Variants in AHCY observed in about 807,000 individuals in gnomAD.
AHCY encodes S-adenosyl-L-homocysteine hydrolase.
AHCY carries 24 observed loss-of-function variants against 45.4 expected under a neutral mutation model. The ratio of observed to expected loss-of-function variants is 0.53; its 90% CI spans 0.38 to 0.74. AHCY has a LOEUF of 0.74. Ranked by LOEUF, AHCY falls within the 30% of genes least tolerant of loss-of-function variation. The pLI is 0.00. For synonymous variants in AHCY, 245 were observed against 235.1 expected (o/e 1.04, Z -0.39); for missense variants, 449 against 594.1 (o/e 0.76, Z 2.54).
chr20:34,262,720 T>C, the AHCY span: 1 of 1,198,442 alleles, frequency 8.3e-7, no homozygotes, highest in South Asian at 1.2e-5. Flanking sequence ...AGCACGCTTC[T>C]TCTCCTCTCC....
the AHCY span, among the ~76,000 whole-genome samples, chr20:34,252,103 A>T: frequency 6.6e-6 from 1 of 152,220 alleles, no homozygotes; most frequent in Non-Finnish European, 1.5e-5. Context: ...ATATAGTCCT[A>T]TCCTCTTATG....
At chr20:34,304,548 C>T (rs757989722), upstream of AHCY, among the ~76,000 whole-genome samples, 12 of 143,928 alleles carry the variant, frequency 8.3e-5, no homozygotes, top group Non-Finnish European at 1.5e-4. Flanking sequence ...TTTATGGAGT[C>T]TCACTCTGTC....
the AHCY span, among the ~76,000 whole-genome samples, chr20:34,239,293 C>T: frequency 6.6e-6 from 1 of 151,768 alleles, no homozygotes; most frequent in Non-Finnish European, 1.5e-5. Context: ...CTTGGCTCAC[C>T]GCAACCTCTG....
At chr20:34,286,198 G>A (rs1477081811) in intron 8 of AHCY, 4 of 174,494 alleles carry the variant, frequency 2.3e-5, no homozygotes, top group African/African-American at 7.2e-5. Flanking sequence ...CTTGCTTGGC[G>A]CATATGAGGC....
At chr20:34,263,304 C>T in the AHCY span, among the ~76,000 whole-genome samples, 1 of 152,224 alleles carries the variant, frequency 6.6e-6, no homozygotes, top group African/African-American at 2.4e-5. Flanking sequence ...GTGGCTCACG[C>T]CTATAATCCC....
the AHCY span, among the ~76,000 whole-genome samples, chr20:34,250,809 T>G: frequency 6.6e-6 from 1 of 152,152 alleles, no homozygotes; most frequent in African/African-American, 2.4e-5. Flanking sequence ...GCCACATGAC[T>G]GGGAGACTGT....
At chr20:34,303,066 C>A (rs2036836681) in intron 1 of AHCY, 177 bp downstream of exon 1, 1 of 985,342 alleles carries the variant, frequency 1.0e-6, no homozygotes, top group Non-Finnish European at 1.2e-6. Context: ...CCGGAACGGC[C>A]CGCTCATGGC....
At chr20:34,235,898 G>A in the AHCY span, among the ~76,000 whole-genome samples, 1 of 80,932 alleles carries the variant, frequency 1.2e-5, no homozygotes, top group East Asian at 3.6e-4. Context: ...AGGAAGGAAG[G>A]AAAGGAAGGA....
At chr20:34,262,749 A>G in the AHCY span, 1 of 1,510,662 alleles carries the variant, frequency 6.6e-7, no homozygotes, top group Non-Finnish European at 9.2e-7. Context: ...GTGACTTCCC[A>G]AGCCCCCTCT....
intron 2 of AHCY, 123 bp from the exon 3 acceptor site, chr20:34,294,279 C>T: frequency 1.1e-6 from 1 of 881,386 alleles, no homozygotes. Context: ...GCACAGCAAG[C>T]TCTAGGATCA....
At chr20:34,293,203 C>G (rs1356100035) in intron 3 of AHCY, among the ~76,000 whole-genome samples, 2 of 152,134 alleles carry the variant, frequency 1.3e-5, no homozygotes, top group African/African-American at 2.4e-5. Flanking sequence ...CTAAGACGCA[C>G]TTGGGCCACT....
chr20:34,232,346 C>T, the AHCY span, among the ~76,000 whole-genome samples: 1 of 152,138 alleles, frequency 6.6e-6, no homozygotes, highest in Non-Finnish European at 1.5e-5. Context: ...TCAACAGCAT[C>T]CACCGTCAGT....
At chr20:34,254,960 G>A in the AHCY span, among the ~76,000 whole-genome samples, 1 of 152,110 alleles carries the variant, frequency 6.6e-6, no homozygotes, top group Non-Finnish European at 1.5e-5. Flanking sequence ...TGTTTTGCCG[G>A]GGGTTGGTCT....
the AHCY span, among the ~76,000 whole-genome samples, chr20:34,263,501 G>T: frequency 2.9e-4 from 44 of 152,164 alleles, no homozygotes; most frequent in African/African-American, 1.0e-3. Flanking sequence ...GGAGGTGGAG[G>T]TTGCAGTGAG....
the AHCY span, chr20:34,246,052 A>C: frequency 1.1e-6 from 1 of 913,760 alleles, no homozygotes; most frequent in South Asian, 1.4e-5. Context: ...GTCTCCCCGA[A>C]TAATTTCATC....
chr20:34,301,832 C>A, intron 1 of AHCY: 1 of 985,466 alleles, frequency 1.0e-6, no homozygotes, highest in Non-Finnish European at 1.2e-6. Flanking sequence ...ACTACTTCAA[C>A]AGAATCTTTG....
chr20:34,246,576 C>T, the AHCY span: 1 of 764,940 alleles, frequency 1.3e-6, no homozygotes, highest in East Asian at 2.7e-5. Flanking sequence ...GCAATCCTCC[C>T]ACCTCAGCCT....
At chr20:34,293,466 GAA>G (rs368282898) in intron 3 of AHCY, 13 of 148,018 alleles carry the variant, frequency 8.8e-5, no homozygotes, top group East Asian at 1.9e-4. Flanking sequence ...GTCTCAAAAA[GAA>G]AAAAAAAAAA....
At chr20:34,299,894 A>C (rs866137317) in intron 1 of AHCY, among the ~76,000 whole-genome samples, 5 of 152,088 alleles carry the variant, frequency 3.3e-5, no homozygotes, top group Non-Finnish European at 5.9e-5. Context: ...CTAAACTGTC[A>C]CTTCTCAGGC....
Sources: allele counts gnomAD v4.1 joint callset (sites outside exome capture counted in the v4.1 genomes callset), GRCh38; gene constraint gnomAD v4.1.1; transcripts MANE v1.5; gene names NCBI Gene and HGNC (gene_info 2026-07-23, HGNC 2026-07-21).